Variants in RAB7A observed in about 807,000 individuals in gnomAD.
RAB7A encodes the protein ras-related protein Rab-7a.
RAB7A carries 2 observed loss-of-function variants against 24.5 expected under a neutral mutation model. That is an observed-to-expected ratio of 0.08 (90% CI 0.03 to 0.26). The LOEUF is 0.26. RAB7A is among the 10% of genes least tolerant of loss of function. RAB7A has a pLI of 1.00. For synonymous variants in RAB7A, 100 were observed against 95.9 expected, an observed-to-expected ratio of 1.04 and a Z score of -0.25; for missense variants, 118 against 255.7, an observed-to-expected ratio of 0.46 and a Z score of 3.67.
chr3:128,772,678 T>G (rs919840502), intron 1 of RAB7A, among the ~76,000 whole-genome samples: 5 of 152,248 alleles, frequency 3.3e-5, no homozygotes, highest in Admixed American at 3.3e-4. Flanking sequence ...GGTTGTCTTG[T>G]GTCCCTAGTA....
chr3:128,729,629 C>T (rs536156073), intron 1 of RAB7A, among the ~76,000 whole-genome samples: 1 of 150,840 alleles, frequency 6.6e-6, no homozygotes, highest in South Asian at 2.1e-4. Flanking sequence ...TTTGCTCTTA[C>T]TTTGGCATTA....
chr3:128,755,321 T>C (rs777762759), intron 1 of RAB7A, among the ~76,000 whole-genome samples: 3 of 150,658 alleles, frequency 2.0e-5, no homozygotes, highest in Non-Finnish European at 4.4e-5. Flanking sequence ...AGACAGAAAA[T>C]AAAACATTGC....
chr3:128,809,500 C>T (rs1465695523), intron 5 of RAB7A, among the ~76,000 whole-genome samples: 2 of 152,234 alleles, frequency 1.3e-5, no homozygotes, highest in African/African-American at 4.8e-5. Context: ...TCTCTCAGTT[C>T]TCATGAGCTG....
intron 1 of RAB7A, among the ~76,000 whole-genome samples, chr3:128,739,868 A>T (rs1036288299): frequency 6.6e-6 from 1 of 152,166 alleles, no homozygotes; most frequent in Non-Finnish European, 1.5e-5. Context: ...TCAGTTGAAG[A>T]CCAGCGTGAC....
chr3:128,774,635 A>C (rs1311573107), intron 1 of RAB7A, among the ~76,000 whole-genome samples: 1 of 152,104 alleles, frequency 6.6e-6, no homozygotes, highest in Non-Finnish European at 1.5e-5. Flanking sequence ...GTGCAGTGGC[A>C]CGGTCTTGGC....
intron 1 of RAB7A, chr3:128,765,048 G>A: frequency 8.1e-7 from 1 of 1,231,826 alleles, no homozygotes; most frequent in Non-Finnish European, 1.2e-6. Flanking sequence ...GGCGGCGGTG[G>A]CTGCGCGGCG....
chr3:128,766,163 G>A (rs2070829440), intron 1 of RAB7A, among the ~76,000 whole-genome samples: 1 of 152,106 alleles, frequency 6.6e-6, no homozygotes, highest in Non-Finnish European at 1.5e-5. Flanking sequence ...CTACTTAGAT[G>A]TACACCAATG....
intron 1 of RAB7A, among the ~76,000 whole-genome samples, chr3:128,786,395 G>T (rs916065470): frequency 6.6e-6 from 1 of 151,394 alleles, no homozygotes; most frequent in Non-Finnish European, 1.5e-5. Flanking sequence ...TGCCTTTCTG[G>T]TCTCTCCTCA....
intron 1 of RAB7A, among the ~76,000 whole-genome samples, chr3:128,768,713 C>T (rs1005146921): frequency 3.3e-4 from 50 of 150,878 alleles, no homozygotes; most frequent in Non-Finnish European, 6.1e-4. Context: ...CACATGCCAC[C>T]ACACCTGGCT....
chr3:128,788,854 C>T (rs1227023941), intron 1 of RAB7A, among the ~76,000 whole-genome samples: 2 of 152,146 alleles, frequency 1.3e-5, no homozygotes, highest in African/African-American at 2.4e-5. Context: ...GATCTTTTTA[C>T]CTGCTCATGT....
chr3:128,744,768 A>G (rs770045863), intron 1 of RAB7A, among the ~76,000 whole-genome samples: 26 of 152,218 alleles, frequency 1.7e-4, no homozygotes, highest in Non-Finnish European at 5.9e-5. Flanking sequence ...GTCACATACA[A>G]TGTGTGTGTT....
intron 1 of RAB7A, among the ~76,000 whole-genome samples, chr3:128,758,784 T>G (rs1394188376): frequency 6.6e-6 from 1 of 152,206 alleles, no homozygotes; most frequent in Non-Finnish European, 1.5e-5. Context: ...TGAGGGTTCC[T>G]TGAACATGAT....
intron 1 of RAB7A, among the ~76,000 whole-genome samples, chr3:128,728,339 T>A (rs898387322): frequency 3.3e-5 from 5 of 152,246 alleles, no homozygotes; most frequent in South Asian, 2.1e-4. Context: ...AACAACAGCA[T>A]TTGTATGGTT....
chr3:128,755,692 A>G (rs186448093), intron 1 of RAB7A, among the ~76,000 whole-genome samples: 1 of 152,340 alleles, frequency 6.6e-6, no homozygotes, highest in East Asian at 1.9e-4. Flanking sequence ...CTCAACCTGG[A>G]AAGTGATATG....
intron 3 of RAB7A, among the ~76,000 whole-genome samples, chr3:128,801,035 C>T (rs933022859): frequency 7.9e-5 from 12 of 152,150 alleles, no homozygotes; most frequent in Admixed American, 5.2e-4. Flanking sequence ...AAAACATAAT[C>T]AAAATAAAAC....
At chr3:128,735,177 T>A (rs1305419214) in intron 1 of RAB7A, among the ~76,000 whole-genome samples, 1 of 152,224 alleles carries the variant, frequency 6.6e-6, no homozygotes, top group Non-Finnish European at 1.5e-5. Context: ...AGTTTAGAGT[T>A]GTTCAATGCC....
At chr3:128,766,526 C>T (rs1044965393) in intron 1 of RAB7A, among the ~76,000 whole-genome samples, 29 of 152,086 alleles carry the variant, frequency 1.9e-4, no homozygotes, top group Non-Finnish European at 3.2e-4. Flanking sequence ...AATCAAAAGT[C>T]GACCATGATT....
rs771538760 is a variant in RAB7A at position 128,754,041 on chromosome 3, G to T, written c.-9+27682G>T. ...AAGCTTAACGAGTTTGTTACCACTA[G>T]ATCTCCCTTCATGAAGGAAGTCATG... On this transcript the variant is annotated intron_variant, in intron 1 of 5. Coordinates refer to ENST00000265062, the MANE Select transcript of RAB7A (RefSeq NM_004637.6). Among the ~76,000 whole-genome samples the T allele has an allele frequency of 3.9e-4, 60 of 152,036 alleles. 2 individuals are homozygous for T. The highest frequency in any genetic ancestry group is 3.4e-4 in the Non-Finnish European group (23 of 68,004).
chr3:128,739,113 T>C (rs1033659192), intron 1 of RAB7A, among the ~76,000 whole-genome samples: 11 of 152,238 alleles, frequency 7.2e-5, no homozygotes, highest in African/African-American at 2.7e-4. Context: ...ATTGAGTATA[T>C]GGAGCTTTGC....
Sources: allele counts gnomAD v4.1 joint callset (sites outside exome capture counted in the v4.1 genomes callset), GRCh38; gene constraint gnomAD v4.1.1; transcripts MANE v1.5; gene names NCBI Gene and HGNC (gene_info 2026-07-23, HGNC 2026-07-21).